The following PLCB1 variants were observed in gnomAD, a reference collection of about 807,000 sequenced individuals.
The protein encoded by PLCB1 is phospholipase C beta 1, also known as 1-phosphatidylinositol 4,5-bisphosphate phosphodiesterase beta-1.
In PLCB1, 46 loss-of-function variants were observed where a neutral mutation model predicts 161.8. That is an observed-to-expected ratio of 0.28 (90% CI 0.22 to 0.36). The LOEUF (loss-of-function observed/expected upper bound fraction) is 0.36. Among genes scored for constraint, PLCB1 ranks in the 10% least tolerant of loss-of-function variants. The pLI is 1.00. For missense variants in PLCB1, 1,016 were observed against 1,472.5 expected (o/e 0.69, Z 5.07); for synonymous variants, 517 against 503.7 (o/e 1.03, Z -0.35).
chr20:8,861,544 A>G (rs1219061247), intron 31 of PLCB1, among the ~76,000 whole-genome samples: 1 of 152,170 alleles, frequency 6.6e-6, no homozygotes, highest in Non-Finnish European at 1.5e-5. Context: ...ATCTTGGCCA[A>G]CATGGTGAAA....
intron 16 of PLCB1, among the ~76,000 whole-genome samples, chr20:8,726,376 A>T (rs1440344000): frequency 4.6e-5 from 7 of 152,104 alleles, no homozygotes; most frequent in Admixed American, 4.6e-4. Flanking sequence ...TCTGGCCTCT[A>T]TTTTATTTTA....
At chr20:8,778,380 T>G (rs1983048241) in intron 27 of PLCB1, among the ~76,000 whole-genome samples, 1 of 152,058 alleles carries the variant, frequency 6.6e-6, no homozygotes, top group Admixed American at 6.5e-5. Flanking sequence ...CCATATGGAA[T>G]CCCACTGATG....
intron 3 of PLCB1, among the ~76,000 whole-genome samples, chr20:8,439,836 A>G (rs1247824519): frequency 3.3e-5 from 5 of 151,876 alleles, no homozygotes; most frequent in Non-Finnish European, 7.4e-5. Flanking sequence ...TGTACCGTGC[A>G]CCAAAGTTCT....
intron 31 of PLCB1, among the ~76,000 whole-genome samples, chr20:8,869,257 T>A (rs1987533262): frequency 6.6e-6 from 1 of 152,204 alleles, no homozygotes; most frequent in African/African-American, 2.4e-5. Flanking sequence ...ATTTATCATT[T>A]TTGTACAATC....
intron 2 of PLCB1, among the ~76,000 whole-genome samples, chr20:8,154,115 G>C (rs934216245): frequency 6.6e-6 from 1 of 151,852 alleles, no homozygotes; most frequent in African/African-American, 2.4e-5. Context: ...ATTTTGTTTT[G>C]CTTATGTCCA....
chr20:8,574,356 G>T (rs985077210), intron 3 of PLCB1, among the ~76,000 whole-genome samples: 1 of 152,172 alleles, frequency 6.6e-6, no homozygotes, highest in Non-Finnish European at 1.5e-5. Flanking sequence ...CCAAGATCAT[G>T]CCACTGCACT....
intron 2 of PLCB1, among the ~76,000 whole-genome samples, chr20:8,309,685 C>G (rs975165168): frequency 1.3e-5 from 2 of 152,194 alleles, no homozygotes; most frequent in African/African-American, 4.8e-5. Context: ...CCGTTGACAG[C>G]AGTTTTCTTC....
At chr20:8,180,780 G>A (rs1420401306) in intron 2 of PLCB1, among the ~76,000 whole-genome samples, 5 of 152,050 alleles carry the variant, frequency 3.3e-5, no homozygotes, top group Non-Finnish European at 7.4e-5. Flanking sequence ...TTAACTATCT[G>A]GTGATATGGG....
chr20:8,180,901 T>C (rs1037687780), intron 2 of PLCB1, among the ~76,000 whole-genome samples: 2 of 151,804 alleles, frequency 1.3e-5, no homozygotes, highest in Non-Finnish European at 2.9e-5. Flanking sequence ...AAAAAAGGAA[T>C]TGCATTTGTC....
At chr20:8,380,504 G>A (rs1987223134) in intron 3 of PLCB1, among the ~76,000 whole-genome samples, 1 of 152,162 alleles carries the variant, frequency 6.6e-6, no homozygotes, top group African/African-American at 2.4e-5. Context: ...GTAGTTTCAT[G>A]GGTATAGTAT....
intron 3 of PLCB1, among the ~76,000 whole-genome samples, chr20:8,406,913 G>A (rs2122495989): frequency 6.6e-6 from 1 of 152,232 alleles, no homozygotes; most frequent in South Asian, 2.1e-4. Flanking sequence ...ATGAATATTT[G>A]AGATGTGGTG....
chr20:8,775,071 C>A (rs62198263), intron 27 of PLCB1, among the ~76,000 whole-genome samples: 3 of 100,244 alleles, frequency 3.0e-5, no homozygotes, highest in African/African-American at 1.1e-4. Context: ...AACAAATTTT[C>A]CCTTTTTTTT....
At chr20:8,143,552 A>G (rs1189004428) in intron 1 of PLCB1, among the ~76,000 whole-genome samples, 1 of 152,200 alleles carries the variant, frequency 6.6e-6, no homozygotes, top group Non-Finnish European at 1.5e-5. Context: ...TTTTCATTAT[A>G]ACTGCTATGA....
At chr20:8,632,024 GGTTTTTTTTGCTTTTTTTTT>G in intron 4 of PLCB1, among the ~76,000 whole-genome samples, 1 of 91,776 alleles carries the variant, frequency 1.1e-5, no homozygotes, top group Non-Finnish European at 2.2e-5. Context: ...GACAAATATG[GGTTTTTTTTGCTTTTTTTTT>G]TTTTTTTTTT....
intron 3 of PLCB1, among the ~76,000 whole-genome samples, chr20:8,503,339 A>G (rs764475404): frequency 2.0e-4 from 30 of 152,108 alleles, no homozygotes; most frequent in Non-Finnish European, 4.1e-4. Context: ...GATACTGCCC[A>G]TGGTTTTTCC....
chr20:8,727,375 C>A lies in PLCB1; in HGVS notation c.1745C>A (p.Ser582Tyr). ...ETKGLEQLTK[S>Y]PVEFVEYNKM... is the part of the protein sequence containing the mutation. Reference sequence around the variant, plus strand: ...AAAGGACTTGAACAACTCACCAAGTCTCCAGTGGAATTTGTAGAGTATCCT... The same window carrying A: ...AAAGGACTTGAACAACTCACCAAGTATCCAGTGGAATTTGTAGAGTATCCT... The change falls in exon 17 of 32, where the codon TCT becomes TAT. Residue 582 changes from serine to tyrosine, a missense_variant. Physicochemically the swap from Ser to Tyr is moderately radical, Grantham distance 144. Around this residue, in one of 10 missense-constraint regions of PLCB1, gnomAD observed 67 missense variants for 195.6 expected, o/e 0.34. Coordinates refer to ENST00000338037, the MANE Select transcript of PLCB1 (RefSeq NM_015192.4). 1.3e-6 allele frequency: 2 copies of A among 1,584,520 alleles called. No individual in the cohort carries two copies. The highest frequency in any genetic ancestry group is 1.7e-6 in the Non-Finnish European group (2 of 1,154,138).
chr20:8,869,202 T>A (rs906528705), intron 31 of PLCB1, among the ~76,000 whole-genome samples: 1 of 152,218 alleles, frequency 6.6e-6, no homozygotes, highest in Admixed American at 6.5e-5. Context: ...TATTTTTTTT[T>A]ATTATACTTT....
intron 31 of PLCB1, among the ~76,000 whole-genome samples, chr20:8,878,456 T>C (rs1163516307): frequency 6.6e-6 from 1 of 152,174 alleles, no homozygotes; most frequent in East Asian, 1.9e-4. Context: ...GAACTGGCAA[T>C]TGTCTTCTTC....
At chr20:8,585,879 A>C (rs1049733859) in intron 3 of PLCB1, among the ~76,000 whole-genome samples, 2 of 152,148 alleles carry the variant, frequency 1.3e-5, no homozygotes, top group Non-Finnish European at 2.9e-5. Flanking sequence ...CTTCTTCTCT[A>C]TGTATATTTG....
Sources: allele counts gnomAD v4.1 joint callset (sites outside exome capture counted in the v4.1 genomes callset), GRCh38; gene constraint gnomAD v4.1.1; regional missense constraint gnomAD v4.1.1; transcripts MANE v1.5; gene names NCBI Gene and HGNC (gene_info 2026-07-23, HGNC 2026-07-21).